Variants in LRP1B observed in about 807,000 individuals in gnomAD.
The protein encoded by LRP1B is low-density lipoprotein receptor-related protein 1B.
In LRP1B, 217 loss-of-function variants were observed where a neutral mutation model predicts 556.6. That is an observed-to-expected ratio of 0.39 (90% CI 0.35 to 0.44). The LOEUF (loss-of-function observed/expected upper bound fraction) is 0.44. Among genes scored for constraint, LRP1B ranks in the 20% least tolerant of loss-of-function variants. The pLI, the probability that LRP1B is intolerant of heterozygous loss-of-function variation, is 1.00. For missense variants in LRP1B, 5,053 were observed against 5,620.8 expected (o/e 0.90, Z 3.23); for synonymous variants, 2,047 against 1,865.8 (o/e 1.10, Z -2.50).
intron 3 of LRP1B, among the ~76,000 whole-genome samples, chr2:141,342,274 A>T (rs1367586462): frequency 7.0e-6 from 1 of 142,030 alleles, no homozygotes; most frequent in African/African-American, 2.6e-5. Flanking sequence ...AAATAAAAAT[A>T]AAATAAATAA....
At chr2:141,253,855 T>C (rs995758851) in intron 4 of LRP1B, among the ~76,000 whole-genome samples, 1 of 144,888 alleles carries the variant, frequency 6.9e-6, no homozygotes, top group Non-Finnish European at 1.5e-5. Context: ...AAATATTATA[T>C]GTAGATATAG....
At chr2:141,003,356 T>C (rs966747396) in intron 15 of LRP1B, among the ~76,000 whole-genome samples, 4 of 152,078 alleles carry the variant, frequency 2.6e-5, no homozygotes, top group Admixed American at 6.6e-5. Context: ...ACTTGCAAAG[T>C]AATTAGCTTA....
intron 3 of LRP1B, among the ~76,000 whole-genome samples, chr2:141,421,356 G>A (rs1680133459): frequency 6.6e-6 from 1 of 151,584 alleles, no homozygotes; most frequent in Non-Finnish European, 1.5e-5. Context: ...GTGAAACCCC[G>A]TCTCTACTAA....
At chr2:140,277,084 G>A (rs368924077) in intron 84 of LRP1B, among the ~76,000 whole-genome samples, 21 of 139,970 alleles carry the variant, frequency 1.5e-4, no homozygotes, top group Non-Finnish European at 2.9e-4. Context: ...ATTTTGAAGC[G>A]CTTTTTTTTT....
chr2:141,741,954 T>C lies in LRP1B; in HGVS notation c.205+68325A>G, dbSNP rs372491960. On this transcript the variant is annotated intron_variant, in intron 2 of 90. Coordinates refer to ENST00000389484, the MANE Select transcript of LRP1B (RefSeq NM_018557.3). ...TTAGATTTAAGTCTTTAATACATTT[T>C]GATTTGATTTTGTATATGGCAAATG... 1.6e-3 allele frequency among the ~76,000 whole-genome samples: 251 copies of C among 152,300 alleles called. 7 individuals carry two copies. The South Asian group carries it at 0.032, about 20-fold the overall frequency.
chr2:141,541,522 A>G (rs966219185), intron 2 of LRP1B, among the ~76,000 whole-genome samples: 1 of 152,040 alleles, frequency 6.6e-6, no homozygotes, highest in Non-Finnish European at 1.5e-5. Flanking sequence ...TATCATGTCA[A>G]ATTTCATCTC....
chr2:141,962,971 C>T (rs79594090), intron 1 of LRP1B, among the ~76,000 whole-genome samples: 5,325 of 151,864 alleles, frequency 0.035, 298 homozygotes, highest in African/African-American at 0.12. Context: ...CAACAAGTCA[C>T]TGTGCAACAA....
At chr2:140,336,091 C>G (rs1032837420) in intron 77 of LRP1B, among the ~76,000 whole-genome samples, 19 of 151,916 alleles carry the variant, frequency 1.3e-4, no homozygotes, top group Admixed American at 5.9e-4. Context: ...TGAAATATTT[C>G]CAGAACCATA....
At chr2:141,453,837 C>A (rs56052711) in intron 3 of LRP1B, among the ~76,000 whole-genome samples, 15,228 of 151,610 alleles carry the variant, frequency 0.1, 884 homozygotes, top group African/African-American at 0.12. Flanking sequence ...TTGCTTGAAC[C>A]CAGAGTGGGA....
chr2:140,498,571 T>A (rs1053080412), intron 55 of LRP1B, among the ~76,000 whole-genome samples: 2 of 151,876 alleles, frequency 1.3e-5, no homozygotes, highest in Non-Finnish European at 2.9e-5. Context: ...ATTCTCGTTT[T>A]ATTGCAGAAT....
chr2:141,087,363 C>T (rs1420378254), intron 7 of LRP1B, among the ~76,000 whole-genome samples: 1 of 152,170 alleles, frequency 6.6e-6, no homozygotes, highest in African/African-American at 2.4e-5. Flanking sequence ...CAGGAGGGAA[C>T]ATCTCTCCAT....
At chr2:140,598,920 T>C in intron 42 of LRP1B, 85 bp from the exon 43 acceptor site, 1 of 854,206 alleles carries the variant, frequency 1.2e-6, no homozygotes, top group Non-Finnish European at 1.9e-6. Flanking sequence ...TACCAAGCTA[T>C]TTTAAAAGAA....
Position 140,830,495 on chromosome 2 carries a change from A to G in LRP1B, c.5209+9496T>C, listed in dbSNP as rs186281472. On this transcript the variant is annotated intron_variant, in intron 31 of 90. Transcript: ENST00000389484. ...AAATCACATTAACAGAATGAAGGAC[A>G]AAAGACATATAATCATTTCCTTAGA... Among the ~76,000 whole-genome samples, 147 of 152,270 alleles carry G rather than the reference A, an allele frequency of 9.7e-4. 1 individual carries two copies. Among genetic ancestry groups the G allele is most frequent in the African/African-American group, 3.4e-3 (141 of 41,582 alleles).
chr2:140,253,854 G>A (rs1382300764), intron 86 of LRP1B, among the ~76,000 whole-genome samples: 1 of 152,124 alleles, frequency 6.6e-6, no homozygotes, highest in African/African-American at 2.4e-5. Context: ...TAGACACACT[G>A]GTTACAATTC....
chr2:141,415,087 T>G (rs1399902931), intron 3 of LRP1B, among the ~76,000 whole-genome samples: 1 of 152,228 alleles, frequency 6.6e-6, no homozygotes, highest in East Asian at 1.9e-4. Flanking sequence ...CTATCTTGGC[T>G]CACTGCAAAC....
intron 35 of LRP1B, among the ~76,000 whole-genome samples, chr2:140,728,642 CT>C (rs1175565993): frequency 2.0e-5 from 3 of 152,084 alleles, no homozygotes; most frequent in Admixed American, 2.0e-4. Flanking sequence ...GTAAGATATA[CT>C]TTAAAAACAG....
chr2:141,637,899 G>A (rs1432586529), intron 2 of LRP1B, among the ~76,000 whole-genome samples: 2 of 152,082 alleles, frequency 1.3e-5, no homozygotes, highest in East Asian at 1.9e-4. Flanking sequence ...TGCTCAATTG[G>A]TTCACAAGAG....
At chr2:140,791,240 G>A (rs1019971165) in intron 32 of LRP1B, among the ~76,000 whole-genome samples, 8 of 151,736 alleles carry the variant, frequency 5.3e-5, no homozygotes, top group Non-Finnish European at 8.8e-5. Context: ...GTGACAGATC[G>A]AGACTCCATC....
In LRP1B at chr2:142,067,592, A is replaced by G. The variant is rs972304622; in HGVS notation, c.82+63056T>C. ...CATAATTTCACAAAAGCACTAACAC[A>G]CTGTAAAGCACAGTTTTTTCTTATT... On this transcript the variant is annotated intron_variant, in intron 1 of 90. Transcript: ENST00000389484. 4.0e-5 allele frequency among the ~76,000 whole-genome samples: 6 copies of G among 151,700 alleles called. No individual in the cohort carries two copies. In the East Asian group the frequency reaches 9.7e-4, roughly 25 times the overall value.
Sources: gnomAD v4.1 joint callset for allele counts (sites outside exome capture counted in the v4.1 genomes callset) on GRCh38, gnomAD v4.1.1 for gene constraint, MANE v1.5 for transcripts, NCBI Gene and HGNC (gene_info 2026-07-23, HGNC 2026-07-21) for gene names.